MARCHF1: variants seen among roughly 807,000 people sequenced by gnomAD.
MARCHF1 encodes the protein membrane associated ring-CH-type finger 1.
MARCHF1 carries 40 observed loss-of-function variants against 54.2 expected under a neutral mutation model. The ratio of observed to expected loss-of-function variants is 0.74; its 90% CI spans 0.57 to 0.96. MARCHF1 has a LOEUF of 0.96. Ranked by LOEUF, MARCHF1 falls within the 40% of genes least tolerant of loss-of-function variation. The pLI is 0.00. For synonymous variants in MARCHF1, 236 were observed against 236.3 expected (o/e 1.00, Z 0.01); for missense variants, 586 against 656.5 (o/e 0.89, Z 1.17).
At chr4:163,832,907 A>G (rs977934325) in intron 4 of MARCHF1, among the ~76,000 whole-genome samples, 1 of 151,986 alleles carries the variant, frequency 6.6e-6, no homozygotes, top group Non-Finnish European at 1.5e-5. Context: ...ATGTCCCTAC[A>G]AAGGACATGA....
intron 1 of MARCHF1, among the ~76,000 whole-genome samples, chr4:164,218,850 T>TAA (rs556382090): frequency 7.6e-6 from 1 of 131,838 alleles, no homozygotes; most frequent in East Asian, 2.1e-4. Context: ...AAAGTATAAT[T>TAA]AAAAAAAAAA....
intron 2 of MARCHF1, among the ~76,000 whole-genome samples, chr4:164,043,055 C>T (rs1290662564): frequency 3.3e-5 from 5 of 152,172 alleles, no homozygotes; most frequent in African/African-American, 7.2e-5. Flanking sequence ...CATGGGCTGG[C>T]GTTGAGTGCC....
chr4:164,354,640 G>A (rs1407233359), intron 1 of MARCHF1, among the ~76,000 whole-genome samples: 1 of 148,508 alleles, frequency 6.7e-6, no homozygotes, highest in Non-Finnish European at 1.5e-5. Context: ...GTCTATGACA[G>A]ACCCACAGCC....
chr4:164,156,670 C>A (rs1730085337), intron 1 of MARCHF1, among the ~76,000 whole-genome samples: 1 of 152,166 alleles, frequency 6.6e-6, no homozygotes, highest in Non-Finnish European at 1.5e-5. Flanking sequence ...AATCCACTCA[C>A]CTTGGATTAC....
chr4:164,090,099 T>G (rs1157027973), intron 2 of MARCHF1, among the ~76,000 whole-genome samples: 1 of 151,870 alleles, frequency 6.6e-6, no homozygotes, highest in Non-Finnish European at 1.5e-5. Flanking sequence ...ATTCACCAGG[T>G]AGAAACACAA....
At chr4:163,813,123 T>C (rs753042036) in intron 4 of MARCHF1, among the ~76,000 whole-genome samples, 1 of 152,228 alleles carries the variant, frequency 6.6e-6, no homozygotes, top group Non-Finnish European at 1.5e-5. Flanking sequence ...TCTTGAACAC[T>C]GTGAAGCTGA....
intron 8 of MARCHF1, among the ~76,000 whole-genome samples, chr4:163,550,296 A>T (rs866591825): frequency 6.7e-6 from 1 of 148,322 alleles, no homozygotes; most frequent in South Asian, 2.1e-4. Flanking sequence ...AAAAAAAAAA[A>T]AAAAGAAAAG....
chr4:163,755,055 T>A (rs1405207874), intron 4 of MARCHF1, among the ~76,000 whole-genome samples: 1 of 152,176 alleles, frequency 6.6e-6, no homozygotes, highest in Non-Finnish European at 1.5e-5. Flanking sequence ...CATTTTTAGT[T>A]TTCCTATCTT....
intron 1 of MARCHF1, among the ~76,000 whole-genome samples, chr4:164,235,270 C>G (rs76854149): frequency 0.02 from 2,971 of 151,942 alleles, 98 homozygotes; most frequent in East Asian, 0.12. Context: ...TCTAAATGGC[C>G]CTAAATAACA....
intron 4 of MARCHF1, among the ~76,000 whole-genome samples, chr4:163,745,247 G>GATTA (rs141560631): frequency 0.035 from 5,340 of 151,832 alleles, 477 homozygotes; most frequent in East Asian, 0.29. Context: ...GAGTAGCTGG[G>GATTA]ATTACAGGTG....
At chr4:163,664,839 A>C (rs1161217702) in intron 5 of MARCHF1, among the ~76,000 whole-genome samples, 1 of 152,104 alleles carries the variant, frequency 6.6e-6, no homozygotes, top group African/African-American at 2.4e-5. Context: ...TTTAGTGGGC[A>C]CAGTATACAT....
chr4:164,011,891 G>A (rs1357665675), intron 2 of MARCHF1, among the ~76,000 whole-genome samples: 1 of 152,018 alleles, frequency 6.6e-6, no homozygotes, highest in East Asian at 1.9e-4. Flanking sequence ...AGATGGGGAG[G>A]AAATGTGTTT....
At chr4:164,176,980 C>CTCTATATATATA (rs1466683245) in intron 1 of MARCHF1, among the ~76,000 whole-genome samples, 15 of 58,910 alleles carry the variant, frequency 2.5e-4, no homozygotes, top group African/African-American at 1.1e-3. Context: ...CTCTCTCTCT[C>CTCTATATATATA]TATATATATA....
At chr4:164,357,602 G>C (rs768151494) in intron 1 of MARCHF1, among the ~76,000 whole-genome samples, 1 of 152,146 alleles carries the variant, frequency 6.6e-6, no homozygotes, top group Non-Finnish European at 1.5e-5. Flanking sequence ...GATAATAAGA[G>C]ATGCTAATTT....
intron 4 of MARCHF1, among the ~76,000 whole-genome samples, chr4:163,743,745 A>T (rs923020750): frequency 3.9e-5 from 6 of 151,998 alleles, no homozygotes; most frequent in Non-Finnish European, 7.4e-5. Flanking sequence ...TGCCTGGCCA[A>T]TTTTTTTGAG....
At chr4:163,621,426 G>A (rs911740346) in intron 5 of MARCHF1, among the ~76,000 whole-genome samples, 5 of 152,136 alleles carry the variant, frequency 3.3e-5, no homozygotes, top group African/African-American at 9.7e-5. Flanking sequence ...TGACTGTAAC[G>A]CCCATCCAGA....
At chr4:164,052,908 A>G (rs1350306298) in intron 2 of MARCHF1, among the ~76,000 whole-genome samples, 2 of 152,198 alleles carry the variant, frequency 1.3e-5, no homozygotes, top group Non-Finnish European at 2.9e-5. Flanking sequence ...AGTTCAACTC[A>G]TCATAGAACT....
Position 164,136,088 on chromosome 4 carries a change from T to C in MARCHF1, c.-322-24426A>G, listed in dbSNP as rs1001584596. Among the ~76,000 whole-genome samples the C allele has an allele frequency of 5.3e-5, 8 of 152,222 alleles. No homozygotes were observed. The East Asian group carries it at 1.4e-3, about 26-fold the overall frequency. On this transcript the variant is annotated intron_variant, in intron 1 of 9. Transcript: ENST00000514618. Reference sequence around the variant, plus strand: ...AATGATCAAATTTCCATTTTTTTTTTTCCTGTGCAGATCAGCATCAGTTTA... The same window carrying C: ...AATGATCAAATTTCCATTTTTTTTTCTCCTGTGCAGATCAGCATCAGTTTA...
At chr4:163,616,933 CAGTTCGTCAAAGAGAT>C (rs1283580691) in intron 5 of MARCHF1, among the ~76,000 whole-genome samples, 2 of 152,012 alleles carry the variant, frequency 1.3e-5, no homozygotes, top group East Asian at 3.9e-4. Flanking sequence ...AAAAGGAAAC[CAGTTCGTCAAAGAGAT>C]ATGTGAACCC....
Sources: allele counts gnomAD v4.1 joint callset (sites outside exome capture counted in the v4.1 genomes callset), GRCh38; gene constraint gnomAD v4.1.1; transcripts MANE v1.5; gene names NCBI Gene and HGNC (gene_info 2026-07-23, HGNC 2026-07-21).